The following F13A1 variants were observed in gnomAD, a reference collection of about 807,000 sequenced individuals.
F13A1 encodes the protein coagulation factor XIII A chain, also known as FSF, A subunit.
Under a neutral mutation model 80.1 loss-of-function variants are expected in F13A1, and 47 were observed. That is an observed-to-expected ratio of 0.59 (90% CI 0.46 to 0.75). The LOEUF is 0.75. Among genes scored for constraint, F13A1 ranks in the 30% least tolerant of loss-of-function variants. The probability of loss-of-function intolerance (pLI) is 0.00; values close to 1 mark genes in which losing one functional copy is unlikely to be tolerated. For synonymous variants in F13A1, 349 were observed against 344.9 expected, an observed-to-expected ratio of 1.01 and a Z score of -0.13; for missense variants, 817 against 930.4, an observed-to-expected ratio of 0.88 and a Z score of 1.59.
intron 10 of F13A1, among the ~76,000 whole-genome samples, chr6:6,186,883 A>G (rs1157008847): frequency 6.8e-6 from 1 of 146,498 alleles, no homozygotes; most frequent in African/African-American, 2.6e-5. Flanking sequence ...ATTTGTTTGT[A>G]TCCTCTTTTA....
At chr6:6,199,227 C>T (rs905492001) in intron 8 of F13A1, among the ~76,000 whole-genome samples, 7 of 152,192 alleles carry the variant, frequency 4.6e-5, no homozygotes, top group Non-Finnish European at 8.8e-5. Context: ...CAGTGGCTCA[C>T]GCCTGTAATC....
chr6:6,208,088 T>C (rs1761526849), intron 8 of F13A1, among the ~76,000 whole-genome samples: 1 of 152,140 alleles, frequency 6.6e-6, no homozygotes, highest in Admixed American at 6.5e-5. Flanking sequence ...ACATTGGACT[T>C]ACAAGACAAA....
intron 14 of F13A1, among the ~76,000 whole-genome samples, chr6:6,147,806 G>T (rs1340714121): frequency 6.6e-6 from 1 of 152,298 alleles, no homozygotes; most frequent in East Asian, 1.9e-4. Flanking sequence ...AGATACGTAT[G>T]CATGCTATTT....
At chr6:6,312,677 C>CAAAACA (rs1758622066) in intron 2 of F13A1, among the ~76,000 whole-genome samples, 1 of 149,270 alleles carries the variant, frequency 6.7e-6, no homozygotes, top group Non-Finnish European at 1.5e-5. Context: ...GACTCCGTCT[C>CAAAACA]AAAACAAAAA....
intron 3 of F13A1, among the ~76,000 whole-genome samples, chr6:6,272,699 T>A (rs561783536): frequency 2.0e-5 from 3 of 152,308 alleles, no homozygotes; most frequent in African/African-American, 7.2e-5. Flanking sequence ...CCCATGGTCC[T>A]AAGATGTTGA....
At chr6:6,234,001 G>A (rs1757384628) in intron 6 of F13A1, among the ~76,000 whole-genome samples, 1 of 152,096 alleles carries the variant, frequency 6.6e-6, no homozygotes, top group South Asian at 2.1e-4. Flanking sequence ...AATACTGAAT[G>A]AGGAAATGTT....
At chr6:6,229,660 A>G (rs1757323256) in intron 6 of F13A1, among the ~76,000 whole-genome samples, 1 of 152,206 alleles carries the variant, frequency 6.6e-6, no homozygotes, top group Non-Finnish European at 1.5e-5. Context: ...TGTAAATTTT[A>G]GATCCAGGTC....
intron 3 of F13A1, among the ~76,000 whole-genome samples, chr6:6,301,450 T>C (rs1758429777): frequency 6.6e-6 from 1 of 152,178 alleles, no homozygotes; most frequent in Non-Finnish European, 1.5e-5. Context: ...TAATAGAAAA[T>C]CTTCAAATAC....
intron 3 of F13A1, among the ~76,000 whole-genome samples, chr6:6,303,322 A>G (rs937335135): frequency 6.6e-6 from 1 of 152,218 alleles, no homozygotes; most frequent in Non-Finnish European, 1.5e-5. Context: ...AAAGCCAAAG[A>G]CAACTCAAAA....
rs889925332 is a variant in F13A1, at chr6:6,266,172, T to C, written c.571+386A>G. Reference sequence around the variant, plus strand: ...AGATGGTATATGTAGGAGAGGCATATGTATTTAGAATAATCTTACTACCCC... The same window carrying C: ...AGATGGTATATGTAGGAGAGGCATACGTATTTAGAATAATCTTACTACCCC... On this transcript the variant is annotated intron_variant, in intron 4 of 14. Coordinates refer to ENST00000264870, the MANE Select transcript of F13A1 (RefSeq NM_000129.4). Among the ~76,000 whole-genome samples the C allele has an allele frequency of 1.5e-4, 23 of 152,230 alleles. 1 individual carries two copies. Among genetic ancestry groups the C allele is most frequent in the Admixed American group, 1.3e-3 (20 of 15,286 alleles).
Position 6,233,803 on chromosome 6 carries a change from T to A in F13A1, c.799-8943A>T, listed in dbSNP as rs148278117. Among the ~76,000 whole-genome samples, 284 of 152,178 alleles carry A rather than the reference T, an allele frequency of 1.9e-3. 3 individuals carry two copies. Among genetic ancestry groups the A allele is most frequent in the African/African-American group, 6.5e-3 (271 of 41,522 alleles). On this transcript the variant is annotated intron_variant, in intron 6 of 14. Coordinates refer to ENST00000264870, the MANE Select transcript of F13A1 (RefSeq NM_000129.4). ...GTGGACATGGTTTAACATACACAAG[T>A]CAATAAATGTGATGCACCATATAAA...
rs372707250 is a variant in F13A1 at position 6,320,272 on chromosome 6, T to C, written c.-19+315A>G. ...CTCCACCTTTTGTGTTCCAGCTCCA[T>C]AATCTGCTCCCTGAGGAAAGGGGGC... On this transcript the variant is annotated intron_variant, in intron 1 of 14. Transcript: ENST00000264870. Among the ~76,000 whole-genome samples the C allele has an allele frequency of 2.0e-4, 31 of 152,296 alleles. No individual in the cohort carries two copies. The South Asian group carries it at 2.3e-3, about 11-fold the overall frequency.
At chr6:6,146,294 G>A (rs1760278225) in intron 14 of F13A1, among the ~76,000 whole-genome samples, 2 of 152,164 alleles carry the variant, frequency 1.3e-5, no homozygotes, top group South Asian at 2.1e-4. Context: ...AGCCCTGCCT[G>A]CTGCCATTTG....
intron 8 of F13A1, among the ~76,000 whole-genome samples, chr6:6,201,823 C>T (rs1022147060): frequency 2.0e-5 from 3 of 152,112 alleles, no homozygotes; most frequent in Admixed American, 6.6e-5. Context: ...GGATTACAGG[C>T]GTGAGCATTT....
chr6:6,168,245 T>C (rs1301104699), intron 12 of F13A1, among the ~76,000 whole-genome samples: 1 of 152,232 alleles, frequency 6.6e-6, no homozygotes, highest in Non-Finnish European at 1.5e-5. Context: ...TGCCAAACAA[T>C]TGTTTTCTCA....
intron 8 of F13A1, among the ~76,000 whole-genome samples, chr6:6,206,095 G>A (rs573342577): frequency 6.6e-6 from 1 of 152,148 alleles, no homozygotes; most frequent in Non-Finnish European, 1.5e-5. Flanking sequence ...TTCTGGACAA[G>A]TGTCTCCATA....
intron 11 of F13A1, 109 bp downstream of exon 11, chr6:6,181,879 C>G (rs1172406253): frequency 1.6e-6 from 2 of 1,216,864 alleles, no homozygotes; most frequent in African/African-American, 1.5e-5. Flanking sequence ...CTGTTGCTAC[C>G]AAATGCTGCA....
chr6:6,248,018 C>T (rs1249291558), intron 6 of F13A1, among the ~76,000 whole-genome samples: 1 of 152,212 alleles, frequency 6.6e-6, no homozygotes, highest in African/African-American at 2.4e-5. Flanking sequence ...CATGATCACT[C>T]CTCAGTCTCT....
intron 1 of F13A1, among the ~76,000 whole-genome samples, chr6:6,320,308 G>A (rs1758757106): frequency 6.6e-6 from 1 of 152,228 alleles, no homozygotes; most frequent in South Asian, 2.1e-4. Flanking sequence ...TCGTCCCTTG[G>A]GGAAGCACCT....
Sources: gnomAD v4.1 joint callset for allele counts (sites outside exome capture counted in the v4.1 genomes callset) on GRCh38, gnomAD v4.1.1 for gene constraint, MANE v1.5 for transcripts, NCBI Gene and HGNC (gene_info 2026-07-23, HGNC 2026-07-21) for gene names.